Variants in SHB observed in about 807,000 individuals in gnomAD.
SHB encodes the protein SH2 domain-containing adapter protein B.
SHB carries 20 observed loss-of-function variants against 52.3 expected under a neutral mutation model. That is an observed-to-expected ratio of 0.38 (90% CI 0.27 to 0.56). The LOEUF is 0.56. SHB is among the 20% of genes least tolerant of loss of function. SHB has a pLI of 0.71. For missense variants in SHB, 825 were observed against 723.3 expected (o/e 1.14, Z -1.61); for synonymous variants, 397 against 316.5 (o/e 1.25, Z -2.70).
chr9:37,992,980 T>C (rs1820901483), intron 2 of SHB, among the ~76,000 whole-genome samples: 1 of 152,286 alleles, frequency 6.6e-6, no homozygotes, highest in South Asian at 2.1e-4. Flanking sequence ...TAGGTTTCTC[T>C]GCAAGGGAGC....
chr9:37,923,540 T>C (rs1832208983), intron 5 of SHB, among the ~76,000 whole-genome samples: 1 of 152,132 alleles, frequency 6.6e-6, no homozygotes, highest in African/African-American at 2.4e-5. Context: ...CCAGGAGACA[T>C]GCTGTGACAA....
chr9:37,966,943 G>A (rs1319759587), intron 3 of SHB, among the ~76,000 whole-genome samples: 1 of 152,210 alleles, frequency 6.6e-6, no homozygotes, highest in Non-Finnish European at 1.5e-5. Flanking sequence ...GGGCAACATG[G>A]TATGGGTGCA....
At chr9:38,055,361 A>C (rs1277332704) in intron 1 of SHB, among the ~76,000 whole-genome samples, 1 of 152,188 alleles carries the variant, frequency 6.6e-6, no homozygotes, top group Non-Finnish European at 1.5e-5. Flanking sequence ...AGAAAAAGAG[A>C]AACAGGCTAT....
chr9:38,027,942 G>A (rs911823477), intron 1 of SHB, among the ~76,000 whole-genome samples: 1 of 146,594 alleles, frequency 6.8e-6, no homozygotes, highest in African/African-American at 2.5e-5. Context: ...CTTCTGGTGC[G>A]TTTACCCAGC....
intron 2 of SHB, among the ~76,000 whole-genome samples, chr9:37,986,202 C>T (rs947785386): frequency 1.3e-5 from 2 of 152,086 alleles, no homozygotes; most frequent in African/African-American, 2.4e-5. Context: ...TCACAAACAG[C>T]GAGGAGTGGG....
At chr9:38,058,683 A>G (rs1208150170) in intron 1 of SHB, among the ~76,000 whole-genome samples, 1 of 151,872 alleles carries the variant, frequency 6.6e-6, no homozygotes, top group Non-Finnish European at 1.5e-5. Context: ...CCTCTGCCCC[A>G]CACCTCTCAG....
intron 1 of SHB, among the ~76,000 whole-genome samples, chr9:38,059,281 G>A (rs1055328338): frequency 7.9e-5 from 8 of 101,432 alleles, no homozygotes; most frequent in South Asian, 3.5e-4. Context: ...CTCCTCGGCC[G>A]TGGGAAGCCC....
chr9:38,015,833 T>C (rs769437220), intron 2 of SHB, among the ~76,000 whole-genome samples, 178 bp downstream of exon 2: 1 of 152,104 alleles, frequency 6.6e-6, no homozygotes, highest in Non-Finnish European at 1.5e-5. Context: ...CTAATATAGG[T>C]GAAACATAAG....
At chr9:37,975,565 C>G (rs1820644156) in intron 2 of SHB, among the ~76,000 whole-genome samples, 1 of 152,128 alleles carries the variant, frequency 6.6e-6, no homozygotes, top group African/African-American at 2.4e-5. Flanking sequence ...AGACGAGGTC[C>G]CAGACAGGAG....
chr9:37,920,275 AAAAACAAAAC>A (rs60630259), intron 5 of SHB, among the ~76,000 whole-genome samples: 8,611 of 145,282 alleles, frequency 0.059, 282 homozygotes, highest in South Asian at 0.11. Flanking sequence ...ACTTCTTCAG[AAAAACAAAAC>A]AAAACAAAAC....
intron 3 of SHB, among the ~76,000 whole-genome samples, chr9:37,960,802 T>C (rs1361122070): frequency 6.6e-6 from 1 of 152,028 alleles, no homozygotes; most frequent in East Asian, 1.9e-4. Flanking sequence ...CTACTGGCCC[T>C]GCCACGTGGG....
intron 2 of SHB, chr9:38,015,345 C>A: frequency 1.4e-6 from 1 of 694,788 alleles, no homozygotes; most frequent in Non-Finnish European, 2.6e-6. Context: ...ATTATCCTGG[C>A]TAAAATAGGC....
intron 2 of SHB, among the ~76,000 whole-genome samples, chr9:38,015,119 A>G (rs1821194154): frequency 6.6e-6 from 1 of 152,228 alleles, no homozygotes; most frequent in Non-Finnish European, 1.5e-5. Context: ...TGCACCCTGC[A>G]GCACAATGTG....
intron 1 of SHB, among the ~76,000 whole-genome samples, chr9:38,034,188 A>G (rs1821453429): frequency 6.6e-6 from 1 of 152,182 alleles, no homozygotes; most frequent in Admixed American, 6.5e-5. Flanking sequence ...CGCCCCTCAT[A>G]AAACCAACTG....
chr9:37,966,477 T>C (rs1019731546), intron 3 of SHB, among the ~76,000 whole-genome samples: 5 of 152,170 alleles, frequency 3.3e-5, no homozygotes, highest in Non-Finnish European at 5.9e-5. Context: ...CCCTCAGTAA[T>C]ACATTAGCCA....
intron 2 of SHB, among the ~76,000 whole-genome samples, chr9:37,976,365 T>C (rs1049301229): frequency 9.9e-5 from 15 of 152,206 alleles, no homozygotes; most frequent in African/African-American, 3.6e-4. Flanking sequence ...ATGATTAACG[T>C]ACAGTTCAGT....
intron 1 of SHB, 66 bp downstream of exon 1, chr9:38,067,863 G>A (rs1821990563): frequency 2.9e-6 from 4 of 1,392,492 alleles, no homozygotes; most frequent in Non-Finnish European, 3.7e-6. Flanking sequence ...AGAGCGGCGG[G>A]TGCCTCGGTT....
chr9:37,985,455 C>T (rs1820793389), intron 2 of SHB, among the ~76,000 whole-genome samples: 1 of 152,274 alleles, frequency 6.6e-6, no homozygotes, highest in Non-Finnish European at 1.5e-5. Context: ...GCCCTACCAT[C>T]ACTCTGCATC....
At chr9:37,994,500 T>C (rs1276633671) in intron 2 of SHB, among the ~76,000 whole-genome samples, 1 of 152,230 alleles carries the variant, frequency 6.6e-6, no homozygotes, top group African/African-American at 2.4e-5. Context: ...AGACTTAGGT[T>C]CAAACCCTGG....
Sources: gnomAD v4.1 joint callset for allele counts (sites outside exome capture counted in the v4.1 genomes callset) on GRCh38, gnomAD v4.1.1 for gene constraint, MANE v1.5 for transcripts, NCBI Gene and HGNC (gene_info 2026-07-23, HGNC 2026-07-21) for gene names.